Variants in WWOX observed in about 807,000 individuals in gnomAD.
WWOX encodes the protein WW domain-containing oxidoreductase.
A neutral mutation model predicts 46.2 loss-of-function variants in WWOX; 69 were observed. The observed-to-expected ratio is 1.49, with a 90% CI of 1.23 to 1.82. The LOEUF is 1.82. Among genes scored for constraint, WWOX ranks in the 40% most tolerant of loss-of-function variants. WWOX has a pLI of 0.00. For missense variants in WWOX, 919 were observed against 542.6 expected (o/e 1.69, Z -6.89); for synonymous variants, 359 against 202.6 (o/e 1.77, Z -6.56).
intron 8 of WWOX, among the ~76,000 whole-genome samples, chr16:79,210,700 G>T (rs1441297192): frequency 2.0e-5 from 3 of 151,804 alleles, no homozygotes; most frequent in Non-Finnish European, 4.4e-5. Context: ...CTGAACAGCA[G>T]CCTATTATTT....
In WWOX at chr16:78,444,532, CT is replaced by C. The variant is rs749332062; in HGVS notation, c.1056+11796del. ...TACAGTTATGGGATGAGGAGCAATTCTTTTTTTTTTTTTTTTGAGGTGGAGT... is the reference window on the plus strand; with the variant it reads ...TACAGTTATGGGATGAGGAGCAATTCTTTTTTTTTTTTTTTGAGGTGGAGT... On this transcript the variant is annotated intron_variant, in intron 8 of 8. Transcript: ENST00000566780. 5.0e-3 allele frequency among the ~76,000 whole-genome samples: 683 copies of C among 136,642 alleles called. 1 individual carries two copies. The highest frequency in any genetic ancestry group is 7.5e-3 in the African/African-American group (275 of 36,858). The allele number at this position is 136,642 out of a possible 152,430, so 89.6% of individuals were successfully genotyped here. A position where few individuals can be genotyped will look rare whatever the true frequency, so the allele number is the denominator to read the frequency against.
At chr16:78,612,537 A>G (rs775569279) in intron 8 of WWOX, among the ~76,000 whole-genome samples, 10 of 152,222 alleles carry the variant, frequency 6.6e-5, no homozygotes, top group Non-Finnish European at 1.0e-4. Flanking sequence ...AGTGCAGTGT[A>G]CAATCAGATT....
intron 8 of WWOX, among the ~76,000 whole-genome samples, chr16:78,482,853 G>C (rs1216954874): frequency 6.6e-6 from 1 of 152,120 alleles, no homozygotes; most frequent in African/African-American, 2.4e-5. Context: ...CCTGTGTCTA[G>C]CAAGAGGGCC....
intron 8 of WWOX, among the ~76,000 whole-genome samples, chr16:78,466,003 A>C (rs147579919): frequency 1.3e-5 from 2 of 151,480 alleles, no homozygotes; most frequent in East Asian, 3.9e-4. Context: ...AAGCCTGTTA[A>C]TGAGTACAAG....
chr16:78,477,243 ATCT>A (rs1297643653), intron 8 of WWOX, among the ~76,000 whole-genome samples: 1 of 152,196 alleles, frequency 6.6e-6, no homozygotes, highest in Non-Finnish European at 1.5e-5. Context: ...TAAGGGGATG[ATCT>A]TCTAGTCTAG....
intron 8 of WWOX, among the ~76,000 whole-genome samples, chr16:78,984,946 T>C (rs62036037): frequency 0.02 from 3,008 of 152,214 alleles, 53 homozygotes; most frequent in Non-Finnish European, 0.031. Flanking sequence ...TGATTTCATT[T>C]GCCATGTTAA....
chr16:78,950,157 C>G (rs1597194248), intron 8 of WWOX, among the ~76,000 whole-genome samples: 1 of 152,168 alleles, frequency 6.6e-6, no homozygotes, highest in South Asian at 2.1e-4. Flanking sequence ...TATGATCTCA[C>G]TTTTCCCTTC....
chr16:79,043,949 G>C (rs1026469341), intron 8 of WWOX, among the ~76,000 whole-genome samples: 2 of 152,198 alleles, frequency 1.3e-5, no homozygotes, highest in Admixed American at 6.5e-5. Flanking sequence ...CTGGTCACTT[G>C]TCTTCTGTGG....
intron 8 of WWOX, among the ~76,000 whole-genome samples, chr16:79,130,586 C>G (rs1373510686): frequency 6.6e-6 from 1 of 152,170 alleles, no homozygotes. Flanking sequence ...TCAGAAGACT[C>G]CAGGGACATT....
intron 5 of WWOX, among the ~76,000 whole-genome samples, chr16:78,380,622 A>G (rs148843092): frequency 6.6e-6 from 1 of 152,264 alleles, no homozygotes; most frequent in Non-Finnish European, 1.5e-5. Context: ...ATGATAAAAC[A>G]ATACATAATC....
At chr16:78,673,525 A>C (rs1044874431) in intron 8 of WWOX, among the ~76,000 whole-genome samples, 1 of 152,216 alleles carries the variant, frequency 6.6e-6, no homozygotes, top group Non-Finnish European at 1.5e-5. Context: ...CAAGCCTTGC[A>C]TACTTGATTG....
At chr16:78,328,428 T>C (rs2080680002) in intron 5 of WWOX, among the ~76,000 whole-genome samples, 1 of 152,214 alleles carries the variant, frequency 6.6e-6, no homozygotes, top group Non-Finnish European at 1.5e-5. Flanking sequence ...TGAAGAATCA[T>C]AGATTTTTAT....
rs191946124 is a variant in WWOX at position 78,755,100 on chromosome 16, C to T, written c.1056+322348C>T. Among the ~76,000 whole-genome samples the T allele has an allele frequency of 1.9e-3, 290 of 150,310 alleles. 1 individual carries two copies. The highest frequency in any genetic ancestry group is 4.1e-3 in the African/African-American group (169 of 40,762). The stretch of plus-strand genomic sequence containing the variant: ...CATTAGGACACATATCTAATGCATG[C>T]GGGGCTTAAAACCTAGATGACGGGT... On this transcript the variant is annotated intron_variant, in intron 8 of 8. Transcript: ENST00000566780.
Position 78,365,740 on chromosome 16 carries a change from GT to G in WWOX, c.517-21114del, listed in dbSNP as rs202015821. 6.2e-3 allele frequency among the ~76,000 whole-genome samples: 937 copies of G among 152,158 alleles called. 14 individuals carry two copies. Among genetic ancestry groups the G allele is most frequent in the African/African-American group, 0.02 (830 of 41,514 alleles). ...TCTGTAAGCAATCTCCTTATTTCTT[GT>G]TTTTTGTTCTTTTGTTTTTTGTGTG... is the stretch of plus-strand genomic sequence containing the variant. On this transcript the variant is annotated intron_variant, in intron 5 of 8. Transcript: ENST00000566780.
At chr16:78,473,164 C>T (rs1470092667) in intron 8 of WWOX, among the ~76,000 whole-genome samples, 1 of 152,188 alleles carries the variant, frequency 6.6e-6, no homozygotes, top group Non-Finnish European at 1.5e-5. Flanking sequence ...GAGTCTCACT[C>T]TGTCACCCAG....
At chr16:78,667,348 C>G (rs1388382219) in intron 8 of WWOX, among the ~76,000 whole-genome samples, 1 of 152,168 alleles carries the variant, frequency 6.6e-6, no homozygotes, top group African/African-American at 2.4e-5. Flanking sequence ...TATATATCTA[C>G]TTTTTTGCAT....
intron 5 of WWOX, among the ~76,000 whole-genome samples, chr16:78,176,986 G>A (rs2035370174): frequency 6.6e-6 from 1 of 152,156 alleles, no homozygotes; most frequent in Non-Finnish European, 1.5e-5. Flanking sequence ...TGTCACTTGA[G>A]AGCTTGTTGG....
chr16:78,820,173 G>A (rs12928190), intron 8 of WWOX, among the ~76,000 whole-genome samples: 116,848 of 151,922 alleles, frequency 0.77, 44,972 homozygotes, highest in Middle Eastern at 0.82. Context: ...TGGAGACATA[G>A]GAGAAGCCCC....
Position 78,940,815 on chromosome 16 carries a change from C to A in WWOX, c.1057-270793C>A, listed in dbSNP as rs1485821568. Among the ~76,000 whole-genome samples, 4 of 151,550 alleles carry A rather than the reference C, an allele frequency of 2.6e-5. No homozygotes were observed. In the South Asian group the frequency reaches 6.2e-4, roughly 24 times the overall value. On this transcript the variant is annotated intron_variant, in intron 8 of 8. Transcript: ENST00000566780. The stretch of plus-strand genomic sequence containing the variant: ...TCTTATCCTGGTCCTTAGAGTCTTT[C>A]AAGAGAAGAGGTTGATCCCGGTGTA...
Sources: allele counts gnomAD v4.1 joint callset (sites outside exome capture counted in the v4.1 genomes callset), GRCh38; gene constraint gnomAD v4.1.1; transcripts MANE v1.5; gene names NCBI Gene and HGNC (gene_info 2026-07-23, HGNC 2026-07-21).